CACNG3: variants seen among roughly 807,000 people sequenced by gnomAD.
CACNG3 encodes the protein voltage-dependent calcium channel gamma-3 subunit.
Under a neutral mutation model 28.5 loss-of-function variants are expected in CACNG3, and 3 were observed. The observed-to-expected ratio is 0.11, with a 90% confidence interval of 0.05 to 0.27. CACNG3 has a LOEUF of 0.27. Ranked by LOEUF, CACNG3 falls within the 10% of genes least tolerant of loss-of-function variation. The pLI is 1.00. For missense variants in CACNG3, 236 were observed against 414.4 expected (o/e 0.57, Z 3.74); for synonymous variants, 174 against 162.2 (o/e 1.07, Z -0.55).
chr16:24,358,984 T>A (rs1471154630), intron 3 of CACNG3, among the ~76,000 whole-genome samples: 1 of 152,152 alleles, frequency 6.6e-6, no homozygotes. Context: ...TGTAAATAAT[T>A]GGCAATTCGC....
chr16:24,282,069 A>G (rs1457001753), intron 1 of CACNG3, among the ~76,000 whole-genome samples: 1 of 152,212 alleles, frequency 6.6e-6, no homozygotes, highest in Non-Finnish European at 1.5e-5. Flanking sequence ...CCAGATGTCC[A>G]CTGCAACGCA....
rs575507005 is a variant in CACNG3 at position 24,300,710 on chromosome 16, G to T, written c.211+43745G>T. Among the ~76,000 whole-genome samples, 6 of 151,514 alleles carry T rather than the reference G, an allele frequency of 4.0e-5. No individual in the cohort carries two copies. The South Asian group carries it at 1.0e-3, about 26-fold the overall frequency. On this transcript the variant is annotated intron_variant, in intron 1 of 3. Transcript: ENST00000005284. ...GGCCAAGGTAGGCAGATCACTTGGA[G>T]TTCAAGACCAGCCTGGCCAACATGG...
At chr16:24,334,126 C>T (rs531210290) in intron 1 of CACNG3, among the ~76,000 whole-genome samples, 32 of 152,336 alleles carry the variant, frequency 2.1e-4, no homozygotes, top group African/African-American at 7.7e-4. Context: ...CTCTTCCTTC[C>T]TGATATCATA....
At chr16:24,308,855 A>AAAAAAAAAAAAAAAAAAAAAAAAAG (rs1899222547) in intron 1 of CACNG3, among the ~76,000 whole-genome samples, 1 of 150,358 alleles carries the variant, frequency 6.7e-6, no homozygotes, top group African/African-American at 2.4e-5. Flanking sequence ...AAAAAAAAAA[A>AAAAAAAAAAAAAAAAAAAAAAAAAG]AAAAAAAAAA....
intron 1 of CACNG3, among the ~76,000 whole-genome samples, chr16:24,283,664 TTGAC>T (rs759584641): frequency 1.3e-5 from 2 of 152,362 alleles, no homozygotes; most frequent in Non-Finnish European, 2.9e-5. Flanking sequence ...TTTTTTTTCT[TTGAC>T]TGAAGTTTAG....
chr16:24,271,742 C>T lies in CACNG3; in HGVS notation c.211+14777C>T, dbSNP rs138039248. ...TAAGCTCACAACTGTGTAGGAAAGA[C>T]GCTGATAGAGTGCACCCAGGTGAGC... On this transcript the variant is annotated intron_variant, in intron 1 of 3. Coordinates refer to ENST00000005284, the MANE Select transcript of CACNG3 (RefSeq NM_006539.4). Among the ~76,000 whole-genome samples, 511 of 152,278 alleles carry T rather than the reference C, an allele frequency of 3.4e-3. 2 individuals carry two copies. The highest frequency in any genetic ancestry group is 3.8e-3 in the Non-Finnish European group (258 of 68,022).
At chr16:24,281,281 G>A (rs1405592667) in intron 1 of CACNG3, among the ~76,000 whole-genome samples, 2 of 152,024 alleles carry the variant, frequency 1.3e-5, no homozygotes, top group African/African-American at 4.8e-5. Context: ...CTGTAATCTC[G>A]ACCTCCTGAG....
At chr16:24,305,698 G>A (rs890527353) in intron 1 of CACNG3, among the ~76,000 whole-genome samples, 31 of 151,940 alleles carry the variant, frequency 2.0e-4, no homozygotes, top group African/African-American at 7.3e-4. Flanking sequence ...TAATACATGC[G>A]GGGTCTACAA....
chr16:24,296,462 CT>C (rs1946100934), intron 1 of CACNG3, among the ~76,000 whole-genome samples: 2 of 152,182 alleles, frequency 1.3e-5, no homozygotes, highest in Admixed American at 6.5e-5. Flanking sequence ...TGCAAAGAAG[CT>C]GCTCACGGGA....
intron 1 of CACNG3, among the ~76,000 whole-genome samples, chr16:24,280,393 GA>G (rs1898809631): frequency 6.6e-6 from 1 of 152,162 alleles, no homozygotes; most frequent in African/African-American, 2.4e-5. Context: ...CCATAATTTG[GA>G]AAAGGGCAAT....
At position 24,266,127 on chromosome 16, in the gene CACNG3, G is replaced by T. The variant is rs201120372; in HGVS notation, c.211+9162G>T. On this transcript the variant is annotated intron_variant, in intron 1 of 3. Transcript: ENST00000005284. The stretch of plus-strand genomic sequence containing the variant: ...TGGTGTCCAGGAAAATGTAGCCCTT[G>T]TCCAGGTGCACAGGGAACAGTAACT... Among the ~76,000 whole-genome samples, 21 of 152,260 alleles carry T rather than the reference G, an allele frequency of 1.4e-4. No individual in the cohort carries two copies. In the East Asian group the frequency reaches 3.7e-3, roughly 27 times the overall value.
intron 1 of CACNG3, among the ~76,000 whole-genome samples, chr16:24,280,649 C>T (rs1567209354): frequency 2.0e-5 from 3 of 151,692 alleles, no homozygotes; most frequent in Non-Finnish European, 1.5e-5. Flanking sequence ...AACCCTGTCT[C>T]TACTAAAAAC....
intron 1 of CACNG3, among the ~76,000 whole-genome samples, chr16:24,267,187 C>T (rs577673683): frequency 1.3e-5 from 2 of 152,138 alleles, no homozygotes; most frequent in South Asian, 2.1e-4. Flanking sequence ...AGGACAGTCT[C>T]GATCTCCTGA....
intron 1 of CACNG3, among the ~76,000 whole-genome samples, chr16:24,283,599 C>T (rs1283125453): frequency 6.6e-6 from 1 of 152,142 alleles, no homozygotes; most frequent in African/African-American, 2.4e-5. Flanking sequence ...TTTGCTTTTC[C>T]AGGTAAAACA....
intron 1 of CACNG3, among the ~76,000 whole-genome samples, chr16:24,269,040 G>A (rs1333611717): frequency 6.6e-6 from 1 of 152,166 alleles, no homozygotes; most frequent in African/African-American, 2.4e-5. Flanking sequence ...TGTACCAGCA[G>A]GCCTGGTTCT....
At chr16:24,349,211 T>C (rs1049744664) in intron 2 of CACNG3, among the ~76,000 whole-genome samples, 8 of 151,222 alleles carry the variant, frequency 5.3e-5, no homozygotes, top group African/African-American at 7.4e-5. Flanking sequence ...ATATCGACTT[T>C]TCTGTTGTTT....
chr16:24,325,207 G>A (rs1384162309), intron 1 of CACNG3, among the ~76,000 whole-genome samples: 1 of 152,208 alleles, frequency 6.6e-6, no homozygotes, highest in Non-Finnish European at 1.5e-5. Context: ...TTTAATCTTA[G>A]CCAATTCCTT....
At position 24,314,280 on chromosome 16, in the gene CACNG3, CA is replaced by C. The variant is rs758861765; in HGVS notation, c.212-32453del. 8.5e-5 allele frequency among the ~76,000 whole-genome samples: 13 copies of C among 152,246 alleles called. No homozygotes were observed. The East Asian group carries it at 2.5e-3, about 29-fold the overall frequency. On this transcript the variant is annotated intron_variant, in intron 1 of 3. Transcript: ENST00000005284. Reference sequence around the variant, plus strand: ...AGTGTTAAGAATTTCAAGAGAGTGACAGACAGTAGAGCACTAAATGAAGCCA... The same window carrying C: ...AGTGTTAAGAATTTCAAGAGAGTGACGACAGTAGAGCACTAAATGAAGCCA...
At chr16:24,292,827 T>G (rs186582012) in intron 1 of CACNG3, among the ~76,000 whole-genome samples, 2 of 152,294 alleles carry the variant, frequency 1.3e-5, no homozygotes, top group Admixed American at 6.5e-5. Flanking sequence ...CAAAAAATTA[T>G]TCTGAAAAAT....
Sources: allele counts gnomAD v4.1 joint callset (sites outside exome capture counted in the v4.1 genomes callset), GRCh38; gene constraint gnomAD v4.1.1; transcripts MANE v1.5; gene names NCBI Gene and HGNC (gene_info 2026-07-23, HGNC 2026-07-21).